Variants in PTCHD4 observed in about 807,000 individuals in gnomAD.
PTCHD4 encodes patched domain containing 4.
Under a neutral mutation model 58.1 loss-of-function variants are expected in PTCHD4, and 33 were observed. That is an observed-to-expected ratio of 0.57 (90% CI 0.43 to 0.76). The LOEUF (loss-of-function observed/expected upper bound fraction) is 0.76, where lower values mean the gene tolerates loss of function less well. PTCHD4 is among the 30% of genes least tolerant of loss of function. The pLI, the probability that PTCHD4 is intolerant of heterozygous loss-of-function variation, is 0.00. For synonymous variants in PTCHD4, 478 were observed against 409.6 expected (o/e 1.17, Z -2.02); for missense variants, 1,058 against 1,027.1 (o/e 1.03, Z -0.41).
At chr6:48,027,971 T>G (rs992889156) in intron 3 of PTCHD4, among the ~76,000 whole-genome samples, 14 of 152,178 alleles carry the variant, frequency 9.2e-5, no homozygotes, top group African/African-American at 3.4e-4. Context: ...TGAGACAGTC[T>G]CGCTCTATTG....
intron 4 of PTCHD4, among the ~76,000 whole-genome samples, chr6:47,943,163 A>AT (rs1158833853): frequency 6.6e-6 from 1 of 152,100 alleles, no homozygotes; most frequent in Non-Finnish European, 1.5e-5. Flanking sequence ...GAGAAAATTT[A>AT]TTTTTTGTAT....
intron 4 of PTCHD4, among the ~76,000 whole-genome samples, chr6:47,884,207 A>T (rs1220872944): frequency 6.6e-6 from 1 of 152,110 alleles, no homozygotes; most frequent in Non-Finnish European, 1.5e-5. Context: ...ATTGCTACCA[A>T]CCAAAAATTA....
At chr6:48,090,759 T>A (rs1765350403) in intron 1 of PTCHD4, among the ~76,000 whole-genome samples, 1 of 152,170 alleles carries the variant, frequency 6.6e-6, no homozygotes, top group South Asian at 2.1e-4. Context: ...GTTCAAATCA[T>A]TAAAAGAAGA....
rs544162368 is a variant in PTCHD4, at chr6:47,867,650, C to T, written c.*10653G>A. On this transcript the variant is annotated 3_prime_UTR_variant, in exon 5 of 5. Transcript: ENST00000339488. ...CCTTCATCCTGGACAACCTGCTTTC[C>T]TGCCCTTGTATATTTCACTTTTTCT... 9.2e-5 allele frequency among the ~76,000 whole-genome samples: 14 copies of T among 151,842 alleles called. No homozygotes were observed. The highest frequency in any genetic ancestry group is 3.1e-4 in the African/African-American group (13 of 41,508).
chr6:48,040,243 T>G (rs1763795670), intron 3 of PTCHD4, among the ~76,000 whole-genome samples: 1 of 152,110 alleles, frequency 6.6e-6, no homozygotes, highest in East Asian at 1.9e-4. Context: ...TTATTCTATA[T>G]TCTTGTTACA....
At chr6:48,006,931 A>G (rs1762458206) in intron 4 of PTCHD4, among the ~76,000 whole-genome samples, 1 of 152,196 alleles carries the variant, frequency 6.6e-6, no homozygotes, top group South Asian at 2.1e-4. Context: ...TATATGAGAA[A>G]AAACTGAGGT....
At chr6:48,023,795 A>G (rs560108642) in intron 3 of PTCHD4, among the ~76,000 whole-genome samples, 1 of 152,300 alleles carries the variant, frequency 6.6e-6, no homozygotes, top group South Asian at 2.1e-4. Context: ...GAATGCTCCC[A>G]AAACTGTTCT....
At chr6:48,062,758 T>G (rs966282779) in intron 3 of PTCHD4, among the ~76,000 whole-genome samples, 3 of 152,134 alleles carry the variant, frequency 2.0e-5, no homozygotes, top group Admixed American at 2.0e-4. Context: ...AAAAAGCACA[T>G]GTACTTTACT....
intron 4 of PTCHD4, among the ~76,000 whole-genome samples, chr6:47,973,829 C>T (rs971763978): frequency 2.0e-5 from 3 of 152,180 alleles, no homozygotes; most frequent in Non-Finnish European, 2.9e-5. Flanking sequence ...TAAAGCCATG[C>T]TCTTGCAAAT....
rs1486966253 is a variant in PTCHD4, at chr6:48,069,660, C to CTG, written c.-705_-704dup. Among the ~76,000 whole-genome samples the CTG allele has an allele frequency of 6.8e-6, 1 of 147,906 alleles. No homozygotes were observed. Among genetic ancestry groups the CTG allele is most frequent in the African/African-American group, 2.5e-5 (1 of 39,498 alleles). On this transcript the variant is annotated 5_prime_UTR_variant, in exon 2 of 5. It introduces an in-frame stop codon into an upstream open reading frame of the 5' UTR. Coordinates refer to ENST00000339488, the MANE Select transcript of PTCHD4 (RefSeq NM_001384253.1). ...GGAGGCATTTGCCAATAGCAGTAGC[C>CTG]TGTGTGCGTGTGCGTGTGCGTGTGT...
chr6:47,886,258 A>G (rs988955244), intron 4 of PTCHD4, among the ~76,000 whole-genome samples: 2 of 152,132 alleles, frequency 1.3e-5, no homozygotes, highest in African/African-American at 2.4e-5. Context: ...ATGAAATTCA[A>G]TTGGAACTAA....
intron 4 of PTCHD4, among the ~76,000 whole-genome samples, chr6:47,955,676 G>T (rs984868606): frequency 3.9e-5 from 6 of 152,254 alleles, no homozygotes; most frequent in South Asian, 2.1e-4. Context: ...CAATATAAAA[G>T]TGCATTTTAT....
At chr6:47,997,888 C>A (rs970667224) in intron 4 of PTCHD4, among the ~76,000 whole-genome samples, 1 of 152,140 alleles carries the variant, frequency 6.6e-6, no homozygotes, top group Admixed American at 6.5e-5. Context: ...TGCCAATTTT[C>A]TTTTTTGTTA....
intron 3 of PTCHD4, among the ~76,000 whole-genome samples, chr6:48,062,827 T>C (rs1447446811): frequency 6.6e-6 from 1 of 152,190 alleles, no homozygotes; most frequent in Non-Finnish European, 1.5e-5. Flanking sequence ...AATTATCTAC[T>C]ATGTGGTAGA....
At chr6:47,972,307 G>T (rs181724841) in intron 4 of PTCHD4, among the ~76,000 whole-genome samples, 47 of 152,240 alleles carry the variant, frequency 3.1e-4, no homozygotes, top group African/African-American at 1.0e-3. Context: ...CTTAAATTAG[G>T]CAAGTGGGAG....
rs371487322 is a variant in PTCHD4 at position 48,060,204 on chromosome 6, C to T, written c.417+8026G>A. Among the ~76,000 whole-genome samples the T allele has an allele frequency of 1.8e-4, 28 of 152,288 alleles. No homozygotes were observed. In the South Asian group the frequency reaches 5.4e-3, roughly 29 times the overall value. On this transcript the variant is annotated intron_variant, in intron 3 of 4. Coordinates refer to ENST00000339488, the MANE Select transcript of PTCHD4 (RefSeq NM_001384253.1). ...GAATGGCTTTTGAATCTTACCCACA[C>T]GATGTCTGTCTTACCCACATTAGTA...
intron 3 of PTCHD4, among the ~76,000 whole-genome samples, chr6:48,041,581 C>T (rs1172301028): frequency 2.0e-5 from 3 of 151,954 alleles, no homozygotes; most frequent in African/African-American, 4.8e-5. Flanking sequence ...GGTTACTGAT[C>T]GCCGCAGTTA....
chr6:47,964,109 T>C (rs1767198927), intron 4 of PTCHD4, among the ~76,000 whole-genome samples: 1 of 152,118 alleles, frequency 6.6e-6, no homozygotes, highest in Non-Finnish European at 1.5e-5. Flanking sequence ...GTCAAAATCA[T>C]AGAAGCAGAG....
chr6:47,908,942 G>C (rs1764984139), intron 4 of PTCHD4, among the ~76,000 whole-genome samples: 1 of 152,086 alleles, frequency 6.6e-6, no homozygotes, highest in East Asian at 1.9e-4. Context: ...AAATAGAAAA[G>C]ACACAACGCT....
Sources: allele counts gnomAD v4.1 joint callset (sites outside exome capture counted in the v4.1 genomes callset), GRCh38; gene constraint gnomAD v4.1.1; transcripts MANE v1.5; gene names NCBI Gene and HGNC (gene_info 2026-07-23, HGNC 2026-07-21).